The following CACNA2D1 variants were observed in gnomAD, a reference collection of about 807,000 sequenced individuals.
CACNA2D1 encodes calcium voltage-gated channel auxiliary subunit alpha2delta 1, also known as voltage-dependent calcium channel subunit alpha-2/delta-1.
A neutral mutation model predicts 171.5 loss-of-function variants in CACNA2D1; 53 were observed. The ratio of observed to expected loss-of-function variants is 0.31; its 90% CI spans 0.25 to 0.39. The LOEUF is 0.39. CACNA2D1 is among the 10% of genes least tolerant of loss of function. CACNA2D1 has a pLI of 1.00. For synonymous variants in CACNA2D1, 442 were observed against 443.1 expected (o/e 1.00, Z 0.03); for missense variants, 903 against 1,299.8 (o/e 0.69, Z 4.69).
rs1239458608 is a variant in CACNA2D1 at position 81,959,304 on chromosome 7, G to A, written c.3130C>T (p.Pro1044Ser). 2 of 1,610,620 alleles carry A rather than the reference G, an allele frequency of 1.2e-6. No individual in the cohort carries two copies. The highest frequency in any genetic ancestry group is 2.2e-5 in the South Asian group (2 of 91,026). Residue 1044 changes from proline (P) to serine (S), a missense_variant, in exon 38 of 39, where the codon CCT becomes TCT. Physicochemically the swap from Pro to Ser is moderately conservative, Grantham distance 74 (BLOSUM62 -1). This residue lies in a region of CACNA2D1 where 623 missense variants were observed against 925.5 expected (regional missense o/e 0.67). Transcript: ENST00000356860. The part of the protein sequence containing the change: ...MVKQPRYRKG[P>S]DVCFDNNVLE... Reference sequence around the variant, plus strand: ...ACATTGTTATCAAAGCAGACATCAGGCCCTTTTCGGTATCTGGGTTGCTTA... The same window carrying A: ...ACATTGTTATCAAAGCAGACATCAGACCCTTTTCGGTATCTGGGTTGCTTA...
At position 82,091,593 on chromosome 7, in the gene CACNA2D1, G is replaced by T. The variant is rs148838448; in HGVS notation, c.527-6693C>A. Among the ~76,000 whole-genome samples the T allele has an allele frequency of 6.4e-3, 980 of 152,248 alleles. 13 individuals are homozygous for T. The highest frequency in any genetic ancestry group is 0.021 in the African/African-American group (882 of 41,532). ...AATGCAAGGGGAATAGAAGACACTA[G>T]TATCTAATATCATGTCTACTAATTG... is the stretch of plus-strand genomic sequence containing the variant. On this transcript the variant is annotated intron_variant, in intron 6 of 38. Coordinates refer to ENST00000356860, the MANE Select transcript of CACNA2D1 (RefSeq NM_000722.4).
intron 6 of CACNA2D1, among the ~76,000 whole-genome samples, chr7:82,113,280 A>G (rs1788661729): frequency 6.6e-6 from 1 of 152,182 alleles, no homozygotes; most frequent in South Asian, 2.1e-4. Context: ...CATTGAGTCT[A>G]AAGTGATTCA....
intron 38 of CACNA2D1, among the ~76,000 whole-genome samples, chr7:81,957,370 C>T (rs541744201): frequency 6.6e-6 from 1 of 152,118 alleles, no homozygotes; most frequent in East Asian, 1.9e-4. Flanking sequence ...GTTTCAGGAA[C>T]ATTAATATCG....
intron 3 of CACNA2D1, among the ~76,000 whole-genome samples, chr7:82,203,197 C>T (rs1227545376): frequency 1.3e-5 from 2 of 152,058 alleles, no homozygotes; most frequent in African/African-American, 2.4e-5. Context: ...TCGACTTGTA[C>T]CCCACCAACA....
chr7:82,066,345 C>G, intron 8 of CACNA2D1, 110 bp downstream of exon 8: 1 of 1,388,804 alleles, frequency 7.2e-7, no homozygotes, highest in Non-Finnish European at 9.8e-7. Flanking sequence ...AATCAGATCA[C>G]TTTCAATAAG....
chr7:82,371,094 G>T (rs1047127701), intron 1 of CACNA2D1, among the ~76,000 whole-genome samples: 2 of 152,132 alleles, frequency 1.3e-5, no homozygotes, highest in East Asian at 1.9e-4. Flanking sequence ...GTTATAAGGG[G>T]TGTCCTCTCT....
intron 12 of CACNA2D1, among the ~76,000 whole-genome samples, chr7:82,021,821 G>T (rs539686130): frequency 1.3e-5 from 2 of 152,138 alleles, no homozygotes; most frequent in Non-Finnish European, 2.9e-5. Flanking sequence ...TAGAAAGGTT[G>T]ACTGGGGGAA....
chr7:82,321,675 T>G (rs1309362599), intron 3 of CACNA2D1, among the ~76,000 whole-genome samples: 1 of 152,134 alleles, frequency 6.6e-6, no homozygotes, highest in Non-Finnish European at 1.5e-5. Flanking sequence ...GAATTGATGA[T>G]AGCTCCTACC....
intron 1 of CACNA2D1, among the ~76,000 whole-genome samples, chr7:82,418,308 A>C (rs1585891658): frequency 6.6e-6 from 1 of 152,154 alleles, no homozygotes; most frequent in Non-Finnish European, 1.5e-5. Flanking sequence ...CATGGGGATT[A>C]TGGGAACTAC....
At chr7:82,108,630 T>A (rs1788027622) in intron 6 of CACNA2D1, among the ~76,000 whole-genome samples, 1 of 152,206 alleles carries the variant, frequency 6.6e-6, no homozygotes, top group African/African-American at 2.4e-5. Flanking sequence ...ATCTATATGA[T>A]AAGAATACTG....
intron 6 of CACNA2D1, among the ~76,000 whole-genome samples, chr7:82,088,697 G>T (rs890354237): frequency 3.3e-5 from 5 of 151,956 alleles, no homozygotes; most frequent in African/African-American, 1.2e-4. Flanking sequence ...GATTTGGCAA[G>T]ATATATTTAA....
In CACNA2D1 at chr7:81,967,542, A is replaced by T; in HGVS notation, c.2463+54T>A. 5 of 943,340 alleles carry T rather than the reference A, an allele frequency of 5.3e-6. No individual in the cohort carries two copies. In the Admixed American group the frequency reaches 6.0e-5, roughly 11 times the overall value. 58.4% of individuals were successfully genotyped at this position (943,340 alleles called of 1,614,324 possible). A position where few individuals can be genotyped will look rare whatever the true frequency, so the allele number is the denominator to read the frequency against. On this transcript the variant is annotated intron_variant, in intron 30 of 38. Coordinates refer to ENST00000356860, the MANE Select transcript of CACNA2D1 (RefSeq NM_000722.4). The stretch of plus-strand genomic sequence containing the variant: ...GTATAAGGACCTTATATTTTTTTCT[A>T]TTGAATTTTGAAAACATTAAACATA...
At chr7:82,045,499 G>A (rs140310902) in intron 10 of CACNA2D1, among the ~76,000 whole-genome samples, 2 of 152,028 alleles carry the variant, frequency 1.3e-5, no homozygotes, top group African/African-American at 4.8e-5. Flanking sequence ...TATAGTCATG[G>A]TGGAATTTAG....
intron 9 of CACNA2D1, among the ~76,000 whole-genome samples, chr7:82,064,083 A>G (rs1465499016): frequency 6.6e-6 from 1 of 152,004 alleles, no homozygotes; most frequent in Non-Finnish European, 1.5e-5. Context: ...GATATGTAAT[A>G]TTAATATATG....
intron 6 of CACNA2D1, among the ~76,000 whole-genome samples, chr7:82,085,318 G>A (rs1428692496): frequency 6.6e-6 from 1 of 152,026 alleles, no homozygotes; most frequent in Non-Finnish European, 1.5e-5. Context: ...CAGACTGTCA[G>A]ATGGCCCCTG....
chr7:82,215,878 C>T (rs551860848), intron 3 of CACNA2D1, among the ~76,000 whole-genome samples: 193 of 152,200 alleles, frequency 1.3e-3, no homozygotes, highest in African/African-American at 4.5e-3. Context: ...TGTTTTTATA[C>T]TGAGATGCAT....
chr7:82,312,509 CTTTTTTTTTTTT>C (rs557443177), intron 3 of CACNA2D1, among the ~76,000 whole-genome samples: 1 of 118,990 alleles, frequency 8.4e-6, no homozygotes, highest in Non-Finnish European at 1.7e-5. Flanking sequence ...TTAACTGAAA[CTTTTTTTTTTTT>C]TTTTTTTTTT....
intron 9 of CACNA2D1, among the ~76,000 whole-genome samples, chr7:82,061,764 G>C (rs984977168): frequency 1.3e-5 from 2 of 152,146 alleles, no homozygotes; most frequent in Non-Finnish European, 1.5e-5. Context: ...ATGGGCAGGG[G>C]ACTAGGATAT....
intron 1 of CACNA2D1, among the ~76,000 whole-genome samples, chr7:82,360,470 T>G (rs771876429): frequency 6.6e-6 from 1 of 152,160 alleles, no homozygotes. Flanking sequence ...ACAAGTACCA[T>G]TTATTTTACT....
Sources: gnomAD v4.1 joint callset for allele counts (sites outside exome capture counted in the v4.1 genomes callset) on GRCh38, gnomAD v4.1.1 for gene constraint, gnomAD v4.1.1 regional missense constraint, MANE v1.5 for transcripts, NCBI Gene and HGNC (gene_info 2026-07-23, HGNC 2026-07-21) for gene names.